The following MMP20 variants were observed in gnomAD, a reference collection of about 807,000 sequenced individuals.
MMP20 encodes matrix metalloproteinase-20.
Under a neutral mutation model 51.8 loss-of-function variants are expected in MMP20, and 50 were observed. That is an observed-to-expected ratio of 0.97 (90% confidence interval 0.77 to 1.22). The LOEUF (loss-of-function observed/expected upper bound fraction) is 1.22, where lower values mean the gene tolerates loss of function less well. MMP20 is among the 50% of genes most tolerant of loss of function. MMP20 has a pLI of 0.00. For missense variants in MMP20, 663 were observed against 601.4 expected (o/e 1.10, Z -1.07); for synonymous variants, 244 against 216.2 (o/e 1.13, Z -1.13).
intron 2 of MMP20, among the ~76,000 whole-genome samples, chr11:102,614,600 C>T (rs964406124): frequency 6.6e-6 from 1 of 152,206 alleles, no homozygotes; most frequent in Admixed American, 6.5e-5. Flanking sequence ...TTCAGAATCA[C>T]TTTTGTGTTC....
Position 102,601,136 on chromosome 11 carries a change from T to TCGGAGTGCTGAATCTCTCTGG in MMP20, c.953+5398_953+5399insCCAGAGAGATTCAGCACTCCG, listed in dbSNP as rs1461053452. 3.6e-3 allele frequency among the ~76,000 whole-genome samples: 151 copies of TCGGAGTGCTGAATCTCTCTGG among 41,518 alleles called. 10 individuals are homozygous for TCGGAGTGCTGAATCTCTCTGG. The highest frequency in any genetic ancestry group is 0.027 in the Middle Eastern group (2 of 74). The allele number at this position is 41,518 out of a possible 152,430, so 27.2% of individuals were successfully genotyped here. On this transcript the variant is annotated intron_variant, in intron 6 of 9. Coordinates refer to ENST00000260228, the MANE Select transcript of MMP20 (RefSeq NM_004771.4). ...AAGTGTCGGCTATTCTTTTTTTTTT[T>TCGGAGTGCTGAATCTCTCTGG]TTTTTTTTTTTTTTGAGACGGAGTC...
At chr11:102,612,729 C>CT (rs1859618199) in intron 2 of MMP20, among the ~76,000 whole-genome samples, 1 of 129,424 alleles carries the variant, frequency 7.7e-6, no homozygotes, top group Middle Eastern at 4.3e-3. Context: ...TTTTCTTTTT[C>CT]TTTTCTTTCT....
intron 6 of MMP20, among the ~76,000 whole-genome samples, chr11:102,604,765 T>A (rs956501658): frequency 2.8e-4 from 43 of 152,316 alleles, no homozygotes; most frequent in African/African-American, 1.0e-3. Context: ...GAATAACATA[T>A]AATATATAAA....
In MMP20 at chr11:102,608,692, C is replaced by CA. The variant is rs376710103; in HGVS notation, c.811+244_811+245insT. On this transcript the variant is annotated intron_variant, in intron 5 of 9. Transcript: ENST00000260228. ...CTGCACTCAAAGGAAAAACATAAAC[C>CA]GACAAATGACTATATTTTCTAAGGC... 0.41 allele frequency among the ~76,000 whole-genome samples: 62,811 copies of CA among 151,728 alleles called. 13,313 individuals are homozygous for CA. Among genetic ancestry groups the CA allele is most frequent in the South Asian group, 0.59 (2,812 of 4,806 alleles).
rs1859597052 is a variant in MMP20, at chr11:102,611,375, C to T, written c.523+380G>A. On this transcript the variant is annotated intron_variant, in intron 3 of 9. Coordinates refer to ENST00000260228, the MANE Select transcript of MMP20 (RefSeq NM_004771.4). ...GAAGGTATTTGCTTCAGTGAGGATT[C>T]ATGGTAGGATATCCTTGGCTAATAT... Among the ~76,000 whole-genome samples the T allele has an allele frequency of 1.3e-5, 2 of 152,164 alleles. 1 individual carries two copies. The highest frequency in any genetic ancestry group is 4.1e-4 in the South Asian group (2 of 4,830).
intron 6 of MMP20, among the ~76,000 whole-genome samples, chr11:102,604,097 C>T (rs1217064490): frequency 2.6e-5 from 4 of 151,748 alleles, no homozygotes; most frequent in Admixed American, 6.6e-5. Context: ...TTCACCACCT[C>T]CTTTACCCCC....
chr11:102,610,088 C>A (rs990505899), intron 3 of MMP20, 58 bp from the exon 4 acceptor site: 12 of 1,591,938 alleles, frequency 7.5e-6, no homozygotes, highest in Non-Finnish European at 1.0e-5. Flanking sequence ...TTCTGAGGGG[C>A]GCATCATATT....
chr11:102,586,751 A>C (rs1859259445), intron 8 of MMP20, among the ~76,000 whole-genome samples: 1 of 151,978 alleles, frequency 6.6e-6, no homozygotes. Flanking sequence ...CGGGAGGCGG[A>C]GCTTGCAGTG....
chr11:102,586,439 T>C (rs544433016), intron 8 of MMP20, among the ~76,000 whole-genome samples: 303 of 152,354 alleles, frequency 2.0e-3, no homozygotes, highest in Middle Eastern at 3.4e-3. Flanking sequence ...CAATTGTTCA[T>C]AGTATTCCTT....
At chr11:102,587,921 G>C (rs530947982) in intron 8 of MMP20, among the ~76,000 whole-genome samples, 2 of 152,212 alleles carry the variant, frequency 1.3e-5, no homozygotes, top group South Asian at 4.1e-4. Flanking sequence ...CATTTGATTA[G>C]ACGGTTTAAT....
Position 102,603,046 on chromosome 11 carries a change from G to A in MMP20, c.953+3489C>T, listed in dbSNP as rs556305755. Among the ~76,000 whole-genome samples the A allele has an allele frequency of 3.3e-5, 5 of 152,308 alleles. No homozygotes were observed. The South Asian group carries it at 1.0e-3, about 32-fold the overall frequency. ...GCTAACACTTATTTCTCTTCACACA[G>A]AACATTTGAATGTACGTTTATACAC... On this transcript the variant is annotated intron_variant, in intron 6 of 9. Transcript: ENST00000260228.
At chr11:102,611,287 A>G (rs1373828701) in intron 3 of MMP20, among the ~76,000 whole-genome samples, 1 of 152,236 alleles carries the variant, frequency 6.6e-6, no homozygotes, top group East Asian at 1.9e-4. Context: ...AAGTGTGGGC[A>G]AGACAGAAAC....
In MMP20 at chr11:102,611,747, C is replaced by T. The variant is rs1213894501; in HGVS notation, c.523+8G>A. ...GAATTAGTAGATGGAATCCAAGTAC[C>T]ACAATACCTCCATTTTCAAAAGATA... On this transcript the variant is annotated splice_region_variant and intron_variant, in intron 3 of 9. Transcript: ENST00000260228. 1.9e-6 allele frequency: 3 copies of T among 1,613,502 alleles called. No individual in the cohort carries two copies. The South Asian group carries it at 3.3e-5, about 18-fold the overall frequency.
Position 102,594,573 on chromosome 11 carries a change from G to T in MMP20, c.1090+48C>A, listed in dbSNP as rs540180348. ...CAGGGCTAGATATGCCAAATGAATGGGGCACTGCAGCCCTGCCATTTCTTT... is the reference window on the plus strand; with the variant it reads ...CAGGGCTAGATATGCCAAATGAATGTGGCACTGCAGCCCTGCCATTTCTTT... On this transcript the variant is annotated intron_variant, in intron 7 of 9. Coordinates refer to ENST00000260228, the MANE Select transcript of MMP20 (RefSeq NM_004771.4). 6 of 1,608,314 alleles carry T rather than the reference G, an allele frequency of 3.7e-6. No homozygotes were observed. In the East Asian group the frequency reaches 6.7e-5, roughly 18 times the overall value.
chr11:102,581,471 G>A (rs978884961), intron 8 of MMP20, among the ~76,000 whole-genome samples: 9 of 152,216 alleles, frequency 5.9e-5, no homozygotes, highest in Admixed American at 4.6e-4. Flanking sequence ...GGATTAAGAT[G>A]AAGTAGGTCT....
At chr11:102,609,215 C>T (rs534574226) in intron 4 of MMP20, 117 bp from the exon 5 acceptor site, 3 of 924,674 alleles carry the variant, frequency 3.2e-6, no homozygotes, top group South Asian at 2.9e-5. Flanking sequence ...CTTCTCCTAA[C>T]TGGATTATTC....
chr11:102,609,783 G>T, intron 4 of MMP20, 122 bp downstream of exon 4: 2 of 1,437,420 alleles, frequency 1.4e-6, no homozygotes, highest in Non-Finnish European at 1.9e-6. Flanking sequence ...TGGCTTACTT[G>T]TTTTTCCTAG....
chr11:102,592,710 A>G (rs1291753632), intron 8 of MMP20, among the ~76,000 whole-genome samples: 2 of 152,242 alleles, frequency 1.3e-5, no homozygotes, highest in Non-Finnish European at 2.9e-5. Context: ...GTTTAGATAA[A>G]CAGGCAAAAA....
In MMP20 at chr11:102,608,937, C is replaced by A. The variant is rs968800104; in HGVS notation, c.811G>T (p.Gly271Ter). Reference protein sequence around the residue: ...DDVKGIQALYGPRKVFLGKPT... With the variant: ...DDVKGIQALY Reference sequence around the variant, plus strand: ...TCATCAAAGAAGGTAATAATCTTACCGTATAATGCCTGGATCCCTTTCACA... The same window carrying A: ...TCATCAAAGAAGGTAATAATCTTACAGTATAATGCCTGGATCCCTTTCACA... The change falls in exon 5 of 10, where the codon GGA (glycine) becomes TGA (stop). Residue 271 changes from glycine (G) to a stop codon, truncating the protein, a stop_gained and splice_region_variant. Coordinates refer to ENST00000260228, the MANE Select transcript of MMP20 (RefSeq NM_004771.4). LOFTEE classifies it high-confidence loss of function. 6.2e-7 allele frequency: 1 copy of A among 1,613,780 alleles called. No individual in the cohort carries two copies. Among genetic ancestry groups the A allele is most frequent in the Non-Finnish European group, 8.5e-7 (1 of 1,179,850 alleles).
Sources: gnomAD v4.1 joint callset for allele counts (sites outside exome capture counted in the v4.1 genomes callset) on GRCh38, gnomAD v4.1.1 for gene constraint, MANE v1.5 for transcripts, NCBI Gene and HGNC (gene_info 2026-07-23, HGNC 2026-07-21) for gene names.